The following FANCA variants were observed in gnomAD, a reference collection of about 807,000 sequenced individuals.
The protein encoded by FANCA is Fanconi anemia group A protein.
A neutral mutation model predicts 194.3 loss-of-function variants in FANCA; 236 were observed. The observed-to-expected ratio is 1.21, with a 90% CI of 1.09 to 1.35. The LOEUF is 1.35. FANCA is among the 40% of genes most tolerant of loss of function. The pLI is 0.00. For missense variants in FANCA, 2,628 were observed against 1,813.9 expected (o/e 1.45, Z -8.15); for synonymous variants, 1,014 against 715.8 (o/e 1.42, Z -6.65).
intron 24 of FANCA, 136 bp from the exon 25 acceptor site, chr16:89,770,395 C>A: frequency 9.7e-7 from 1 of 1,031,870 alleles, no homozygotes. Flanking sequence ...GAAGACAACC[C>A]ATCTTCTGCA....
chr16:89,809,068 G>A (rs2040777260), intron 5 of FANCA, among the ~76,000 whole-genome samples: 1 of 151,968 alleles, frequency 6.6e-6, no homozygotes, highest in Admixed American at 6.6e-5. Context: ...ACCACACCCG[G>A]CTAATTTTTT....
At chr16:89,774,587 G>A (rs1029246121) in intron 21 of FANCA, among the ~76,000 whole-genome samples, 11 of 151,894 alleles carry the variant, frequency 7.2e-5, no homozygotes, top group South Asian at 6.3e-4. Context: ...AAAATTAGCC[G>A]GGTGTGGTGG....
At chr16:89,803,233 A>T (rs1176990910) in intron 8 of FANCA, 26 bp downstream of exon 8, 2 of 1,607,928 alleles carry the variant, frequency 1.2e-6, no homozygotes, top group African/African-American at 2.7e-5. Context: ...CTTCCGCTAA[A>T]CTCTTCACTT....
At chr16:89,769,722 G>A (rs2039255082) in intron 26 of FANCA, 115 bp downstream of exon 26, 3 of 1,175,258 alleles carry the variant, frequency 2.6e-6, no homozygotes, top group Middle Eastern at 1.9e-4. Context: ...ATGCTAAAAA[G>A]TGGTTATCTT....
Position 89,808,069 on chromosome 16 carries a change from AG to A in FANCA, c.596+224del, listed in dbSNP as rs68094133. On this transcript the variant is annotated intron_variant, in intron 6 of 42. Transcript: ENST00000389301. ...CGAGACTCCGTCTCAAAAAAAAAACAGACAAAAAGCAAACAAAACCAAAACA... is the reference window on the plus strand; with the variant it reads ...CGAGACTCCGTCTCAAAAAAAAAACAACAAAAAGCAAACAAAACCAAAACA... 0.96 allele frequency among the ~76,000 whole-genome samples: 144,145 copies of A among 150,460 alleles called. 68,920 individuals are homozygous for A. Among genetic ancestry groups the A allele is most frequent in the East Asian group, 1 (5,176 of 5,176 alleles).
intron 21 of FANCA, 85 bp from the exon 22 acceptor site, chr16:89,773,469 C>A (rs2039394325): frequency 3.0e-6 from 3 of 1,006,880 alleles, no homozygotes; most frequent in Non-Finnish European, 3.0e-6. Flanking sequence ...CAGTCAAATA[C>A]AGAGCTGTGA....
At chr16:89,779,724 CAA>C (rs879901225) in intron 18 of FANCA, 143 bp downstream of exon 18, 455 of 744,740 alleles carry the variant, frequency 6.1e-4, no homozygotes, top group Middle Eastern at 2.1e-3. Context: ...GGACACACTC[CAA>C]AGAGCCCCAG....
At position 89,805,416 on chromosome 16, in the gene FANCA, C is replaced by A. The variant is rs565363009; in HGVS notation, c.597-24G>T. 3.2e-5 allele frequency: 51 copies of A among 1,573,416 alleles called. No homozygotes were observed. The South Asian group carries it at 5.4e-4, about 17-fold the overall frequency. Reference sequence around the variant, plus strand: ...GGCTGGAGACACACACAGAGGCAGACGTAAGGCTCAACTAAATCCCATCAT... The same window carrying A: ...GGCTGGAGACACACACAGAGGCAGAAGTAAGGCTCAACTAAATCCCATCAT... On this transcript the variant is annotated intron_variant, in intron 6 of 42. Transcript: ENST00000389301.
At position 89,757,975 on chromosome 16, in the gene FANCA, C is replaced by T. The variant is rs193082217; in HGVS notation, c.2981+602G>A. On this transcript the variant is annotated intron_variant, in intron 30 of 42. Coordinates refer to ENST00000389301, the MANE Select transcript of FANCA (RefSeq NM_000135.4). ...GGTTCAAGCAATCCTCCTGCCTCAG[C>T]CTCCCAAGTAGCTGGGATTACAGGC... 7.9e-4 allele frequency among the ~76,000 whole-genome samples: 121 copies of T among 152,258 alleles called. 1 individual carries two copies. The highest frequency in any genetic ancestry group is 2.8e-3 in the African/African-American group (117 of 41,544).
At chr16:89,784,230 G>C (rs2143471591) in intron 15 of FANCA, among the ~76,000 whole-genome samples, 1 of 152,138 alleles carries the variant, frequency 6.6e-6, no homozygotes, top group South Asian at 2.1e-4. Context: ...AAAACAGCCA[G>C]GTTTGCTGGC....
At chr16:89,791,599 G>A in intron 13 of FANCA, 63 bp from the exon 14 acceptor site, 14 of 1,603,092 alleles carry the variant, frequency 8.7e-6, no homozygotes, top group Non-Finnish European at 1.2e-5. Flanking sequence ...CATGACGTGA[G>A]TTATGCTGGG....
chr16:89,801,113 A>C (rs1253745625), intron 8 of FANCA, among the ~76,000 whole-genome samples: 2 of 151,916 alleles, frequency 1.3e-5, no homozygotes, highest in Non-Finnish European at 2.9e-5. Context: ...TGAGAGGCCA[A>C]GGTGGGCGGG....
Position 89,796,013 on chromosome 16 carries a change from C to G in FANCA, c.899G>C (p.Gly300Ala). 6.2e-7 allele frequency: 1 copy of G among 1,613,668 alleles called. No homozygotes were observed. ...GCCAAGCGTGTGTCCACTGAACACT[C>G]CGAACCTGCCAATGCAGCAGAAAGA... The part of the protein sequence containing the change: ...STHKIVRCWF[G>A]VFSGHTLGSV... Residue 300 changes from glycine to alanine, a missense_variant, in exon 11 of 43, where the codon GGA becomes GCA. By Grantham distance (60) the Gly-to-Ala change is moderately conservative. Coordinates refer to ENST00000389301, the MANE Select transcript of FANCA (RefSeq NM_000135.4).
rs148857215 is a variant in FANCA, at chr16:89,801,270, G to A, written c.793-1632C>T. Reference sequence around the variant, plus strand: ...GAGGCAGGAGAATGGCGTGAACCCCGGAGGCGGAGCTTGCAGTGAGCCGAG... The same window carrying A: ...GAGGCAGGAGAATGGCGTGAACCCCAGAGGCGGAGCTTGCAGTGAGCCGAG... On this transcript the variant is annotated intron_variant, in intron 8 of 42. Coordinates refer to ENST00000389301, the MANE Select transcript of FANCA (RefSeq NM_000135.4). Among the ~76,000 whole-genome samples the A allele has an allele frequency of 7.1e-3, 1,060 of 150,084 alleles. 7 individuals are homozygous for A. Among genetic ancestry groups the A allele is most frequent in the African/African-American group, 0.025 (1,015 of 40,502 alleles).
At chr16:89,791,293 G>C in intron 14 of FANCA, 110 bp downstream of exon 14, 1 of 1,443,624 alleles carries the variant, frequency 6.9e-7, no homozygotes, top group Non-Finnish European at 9.5e-7. Context: ...AAAGCTGACA[G>C]CAAGGTTGCT....
intron 11 of FANCA, among the ~76,000 whole-genome samples, chr16:89,793,009 C>T (rs866480749): frequency 6.6e-6 from 1 of 152,140 alleles, no homozygotes; most frequent in Non-Finnish European, 1.5e-5. Context: ...GCCAGGTGTA[C>T]AGGATGGAAC....
rs1178460453 is a variant in FANCA at position 89,739,542 on chromosome 16, C to T, written c.3946G>A (p.Gly1316Arg). 1.3e-6 allele frequency: 2 copies of T among 1,551,264 alleles called. No individual in the cohort carries two copies. The highest frequency in any genetic ancestry group is 1.2e-5 in the South Asian group (1 of 84,064). ...FQLTESDLRL[G>R]RLLLRVAPDQ... Reference sequence around the variant, plus strand: ...GGGGCCACACGGAGGAGGAGCCGCCCCAGCCTGAGGTCTGCAACACCAAGA... The same window carrying T: ...GGGGCCACACGGAGGAGGAGCCGCCTCAGCCTGAGGTCTGCAACACCAAGA... Residue 1316 changes from glycine to arginine, a missense_variant, in exon 40 of 43, where the codon GGG becomes AGG. Gly to Arg is a moderately radical substitution (Grantham distance 125, BLOSUM62 -2). Coordinates refer to ENST00000389301, the MANE Select transcript of FANCA (RefSeq NM_000135.4).
chr16:89,815,907 G>C lies in FANCA; in HGVS notation c.159C>G (p.Ser53Arg), dbSNP rs1437967277. 5 of 1,614,076 alleles carry C rather than the reference G, an allele frequency of 3.1e-6. No individual in the cohort carries two copies. Among genetic ancestry groups the C allele is most frequent in the Non-Finnish European group, 4.2e-6 (5 of 1,179,906 alleles). Residue 53 changes from serine (S) to arginine (R), a missense_variant, in exon 2 of 43, where the codon AGC becomes AGG. Ser to Arg is a moderately radical substitution (Grantham distance 110, BLOSUM62 -1). Transcript: ENST00000389301. Reference protein sequence around the residue: ...LKESAVRLLRSHQDLNALLLE... With the variant: ...LKESAVRLLRRHQDLNALLLE... ...GCAAAAGGGCATTCAGGTCCTGATG[G>C]CTTCGCAGGAGGCGCACAGCTGATT...
At chr16:89,756,229 T>C (rs2038763054) in intron 30 of FANCA, among the ~76,000 whole-genome samples, 1 of 151,984 alleles carries the variant, frequency 6.6e-6, no homozygotes. Context: ...CCAAAAAAAA[T>C]CTAAAATGGC....
Sources: allele counts gnomAD v4.1 joint callset (sites outside exome capture counted in the v4.1 genomes callset), GRCh38; gene constraint gnomAD v4.1.1; transcripts MANE v1.5; gene names NCBI Gene and HGNC (gene_info 2026-07-23, HGNC 2026-07-21).